TNKS: variants seen among roughly 807,000 people sequenced by gnomAD.
TNKS encodes the protein poly [ADP-ribose] polymerase tankyrase-1.
Under a neutral mutation model 135.8 loss-of-function variants are expected in TNKS, and 72 were observed. The ratio of observed to expected loss-of-function variants is 0.53; its 90% CI spans 0.44 to 0.64. The LOEUF is 0.64. TNKS is among the 30% of genes least tolerant of loss of function. The pLI is 0.00. For missense variants in TNKS, 1,769 were observed against 1,674.0 expected, an observed-to-expected ratio of 1.06 and a Z score of -0.99; for synonymous variants, 849 against 649.3, an observed-to-expected ratio of 1.31 and a Z score of -4.68.
Position 9,770,327 on chromosome 8 carries a change from GT to G in TNKS, c.3897+66del. 3 of 1,499,292 alleles carry G rather than the reference GT, an allele frequency of 2.0e-6. No individual in the cohort carries two copies. In the South Asian group the frequency reaches 3.8e-5, roughly 19 times the overall value. The allele number at this position is 1,499,292 out of a possible 1,614,324, so 92.9% of individuals were successfully genotyped here. A position where few individuals can be genotyped will look rare whatever the true frequency, so the allele number is the denominator to read the frequency against. ...CATGTCAATAGAGCACAGAGACCGT[GT>G]AAGACTTGAGACACTTTTCAGTGAA... On this transcript the variant is annotated intron_variant, in intron 26 of 26. Coordinates refer to ENST00000310430, the MANE Select transcript of TNKS (RefSeq NM_003747.3).
At chr8:9,725,920 T>A (rs1324900765) in intron 12 of TNKS, among the ~76,000 whole-genome samples, 3 of 152,242 alleles carry the variant, frequency 2.0e-5, no homozygotes, top group Admixed American at 6.5e-5. Context: ...AATTTAATTA[T>A]ATTCTGTTTC....
At chr8:9,608,651 G>T (rs1799329043) in intron 2 of TNKS, among the ~76,000 whole-genome samples, 1 of 152,160 alleles carries the variant, frequency 6.6e-6, no homozygotes, top group South Asian at 2.1e-4. Flanking sequence ...TCTGGGGCCT[G>T]CTCTCTGCAC....
In TNKS at chr8:9,769,988, A is replaced by G. The variant is rs934951406; in HGVS notation, c.3741-118A>G. ...CCCATTCCTACTCATAAATCTGAAA[A>G]TGACATTTAAATTAGCTTGCCTTAT... On this transcript the variant is annotated intron_variant, in intron 25 of 26. Coordinates refer to ENST00000310430, the MANE Select transcript of TNKS (RefSeq NM_003747.3). 4.6e-6 allele frequency: 4 copies of G among 871,066 alleles called. No homozygotes were observed. The East Asian group carries it at 8.1e-5, about 18-fold the overall frequency. 54.0% of individuals were successfully genotyped at this position (871,066 alleles called of 1,614,324 possible).
At chr8:9,628,924 G>T (rs1479579775) in intron 3 of TNKS, among the ~76,000 whole-genome samples, 2 of 152,064 alleles carry the variant, frequency 1.3e-5, no homozygotes, top group Non-Finnish European at 2.9e-5. Context: ...AAGCTACCCG[G>T]TTGCTCCAGC....
At chr8:9,744,136 A>C (rs1277316813) in intron 17 of TNKS, among the ~76,000 whole-genome samples, 1 of 152,224 alleles carries the variant, frequency 6.6e-6, no homozygotes, top group Non-Finnish European at 1.5e-5. Flanking sequence ...CATCAATAAA[A>C]ATTACAAGTT....
intron 26 of TNKS, among the ~76,000 whole-genome samples, chr8:9,772,848 T>G (rs1808008736): frequency 7.2e-6 from 1 of 138,720 alleles, no homozygotes; most frequent in Non-Finnish European, 1.5e-5. Context: ...TGTGTGTGTG[T>G]GTGTGTGTGT....
chr8:9,556,398 C>G lies in TNKS; in HGVS notation c.459C>G (p.Ser153Arg). Residue 153 changes from serine to arginine, a missense_variant, in exon 1 of 27, where the codon AGC becomes AGG. Physicochemically the swap from Ser to Arg is moderately radical, Grantham distance 110. Transcript: ENST00000310430. ...PSSPGSSLAE[S>R]PEAAGVSSTA... ...CCCCTGGATCGAGCTTGGCGGAGAG[C>G]CCCGAGGCGGCCGGAGTTAGCAGCA... 3 of 1,614,238 alleles carry G rather than the reference C, an allele frequency of 1.9e-6. No homozygotes were observed. Among genetic ancestry groups the G allele is most frequent in the African/African-American group, 1.3e-5 (1 of 75,082 alleles).
At chr8:9,602,169 G>C (rs1290032907) in intron 2 of TNKS, among the ~76,000 whole-genome samples, 2 of 152,284 alleles carry the variant, frequency 1.3e-5, no homozygotes, top group Admixed American at 6.5e-5. Flanking sequence ...GCATTCAACA[G>C]ACAAGCCGTG....
chr8:9,625,366 A>G (rs1800018952), intron 3 of TNKS, among the ~76,000 whole-genome samples: 1 of 151,110 alleles, frequency 6.6e-6, no homozygotes, highest in Admixed American at 6.6e-5. Context: ...TCATTATTCA[A>G]ATTCTTTTTC....
chr8:9,667,574 T>C (rs1452207718), intron 3 of TNKS, among the ~76,000 whole-genome samples: 2 of 152,232 alleles, frequency 1.3e-5, no homozygotes, highest in Non-Finnish European at 2.9e-5. Flanking sequence ...CAGAACTGTC[T>C]TGTCTTTGTT....
chr8:9,620,199 G>A (rs1463550077), intron 3 of TNKS, among the ~76,000 whole-genome samples: 1 of 152,078 alleles, frequency 6.6e-6, no homozygotes, highest in African/African-American at 2.4e-5. Flanking sequence ...CCGCTGCCTT[G>A]GCCTCCCAAA....
At position 9,574,265 on chromosome 8, in the gene TNKS, C is replaced by T. The variant is rs142981001; in HGVS notation, c.674-5894C>T. On this transcript the variant is annotated intron_variant, in intron 1 of 26. Coordinates refer to ENST00000310430, the MANE Select transcript of TNKS (RefSeq NM_003747.3). ...TAGTTGTTGCAGAAAAGCAGTTCAT[C>T]GGGGTACACTTCTTGTTGCTACCTG... Among the ~76,000 whole-genome samples the T allele has an allele frequency of 2.3e-3, 348 of 152,270 alleles. 1 individual carries two copies. Among genetic ancestry groups the T allele is most frequent in the African/African-American group, 7.7e-3 (320 of 41,554 alleles).
chr8:9,575,451 AAC>A, intron 1 of TNKS: 3 of 983,176 alleles, frequency 3.1e-6, no homozygotes, highest in Non-Finnish European at 3.6e-6. Flanking sequence ...AAGTTATACT[AAC>A]AAATAGACAA....
intron 3 of TNKS, among the ~76,000 whole-genome samples, chr8:9,640,010 CA>C (rs1800664278): frequency 1.3e-5 from 2 of 152,204 alleles, no homozygotes; most frequent in Admixed American, 1.3e-4. Flanking sequence ...AAATCTTTTC[CA>C]CTATGTGTGA....
At chr8:9,712,463 G>A (rs189487976) in intron 11 of TNKS, among the ~76,000 whole-genome samples, 1 of 152,228 alleles carries the variant, frequency 6.6e-6, no homozygotes, top group East Asian at 1.9e-4. Context: ...CTGGGCAACA[G>A]AGCAAGACTC....
At chr8:9,618,658 G>C (rs1170162509) in intron 3 of TNKS, among the ~76,000 whole-genome samples, 1 of 152,072 alleles carries the variant, frequency 6.6e-6, no homozygotes, top group Admixed American at 6.6e-5. Flanking sequence ...TGTGTGTTTT[G>C]ATTATAAATT....
At chr8:9,608,437 T>A (rs965232545) in intron 2 of TNKS, among the ~76,000 whole-genome samples, 10 of 152,204 alleles carry the variant, frequency 6.6e-5, no homozygotes, top group African/African-American at 1.4e-4. Context: ...AAGGCGATTT[T>A]TTTTTTTAGG....
chr8:9,646,383 T>C (rs1394017722), intron 3 of TNKS, among the ~76,000 whole-genome samples: 1 of 152,148 alleles, frequency 6.6e-6, no homozygotes, highest in Non-Finnish European at 1.5e-5. Flanking sequence ...CAGTGATCTG[T>C]AGTTATTATT....
At position 9,701,681 on chromosome 8, in the gene TNKS, A is replaced by G. The variant is rs181937082; in HGVS notation, c.1108-2982A>G. 3.3e-5 allele frequency among the ~76,000 whole-genome samples: 5 copies of G among 152,322 alleles called. No individual in the cohort carries two copies. In the East Asian group the frequency reaches 7.7e-4, roughly 24 times the overall value. On this transcript the variant is annotated intron_variant, in intron 5 of 26. Transcript: ENST00000310430. ...TGGTAATTATCCCTGAGAGAGGGTA[A>G]CAACTCCAACTTACCGCCTCCAAAG...
Sources: gnomAD v4.1 joint callset for allele counts (sites outside exome capture counted in the v4.1 genomes callset) on GRCh38, gnomAD v4.1.1 for gene constraint, MANE v1.5 for transcripts, NCBI Gene and HGNC (gene_info 2026-07-23, HGNC 2026-07-21) for gene names.